The following SCHIP1 variants were observed in gnomAD, a reference collection of about 807,000 sequenced individuals.
The protein encoded by SCHIP1 is schwannomin interacting protein 1, also known as schwannomin-interacting protein 1.
Under a neutral mutation model 29.7 loss-of-function variants are expected in SCHIP1, and 8 were observed. That is an observed-to-expected ratio of 0.27 (90% CI 0.16 to 0.49). The LOEUF is 0.49. Ranked by LOEUF, SCHIP1 falls within the 20% of genes least tolerant of loss-of-function variation. The pLI is 0.99. For missense variants in SCHIP1, 193 were observed against 294.6 expected, an observed-to-expected ratio of 0.66 and a Z score of 2.52; for synonymous variants, 76 against 94.9, an observed-to-expected ratio of 0.80 and a Z score of 1.16.
the SCHIP1 span, among the ~76,000 whole-genome samples, chr3:159,641,806 A>G: frequency 6.6e-6 from 1 of 152,190 alleles, no homozygotes; most frequent in Non-Finnish European, 1.5e-5. Context: ...AAGAAATAAA[A>G]TATTGGTGCT....
the SCHIP1 span, among the ~76,000 whole-genome samples, chr3:159,327,225 C>G: frequency 6.6e-6 from 1 of 152,130 alleles, no homozygotes; most frequent in African/African-American, 2.4e-5. Context: ...ATTGCATTGC[C>G]AGATCATGGG....
chr3:159,361,927 T>G, the SCHIP1 span, among the ~76,000 whole-genome samples: 1 of 152,282 alleles, frequency 6.6e-6, no homozygotes, highest in South Asian at 2.1e-4. Context: ...TCAGGACATG[T>G]TGAATGTAAG....
the SCHIP1 span, among the ~76,000 whole-genome samples, chr3:159,774,261 G>T: frequency 6.6e-6 from 1 of 152,008 alleles, no homozygotes; most frequent in Non-Finnish European, 1.5e-5. Context: ...AGCTCTCCTT[G>T]TTTCTCAGAT....
rs1410404071 is a variant in SCHIP1, at chr3:159,888,958, T to C, written c.589+15T>C. 3.1e-6 allele frequency: 5 copies of C among 1,612,318 alleles called. No homozygotes were observed. The Admixed American group carries it at 5.0e-5, about 16-fold the overall frequency. ...CCAGATAGAAAGTAAGTGTAAGATATGCTTGAAAATAGGATATTCAATGTA... is the reference window on the plus strand; with the variant it reads ...CCAGATAGAAAGTAAGTGTAAGATACGCTTGAAAATAGGATATTCAATGTA... On this transcript the variant is annotated intron_variant, in intron 5 of 6. Transcript: ENST00000445224.
chr3:159,739,654 T>TA, the SCHIP1 span, among the ~76,000 whole-genome samples: 1,264 of 152,352 alleles, frequency 8.3e-3, 17 homozygotes, highest in African/African-American at 0.029. Flanking sequence ...TGCAAGTCCT[T>TA]ATCTTCTTGC....
At chr3:159,422,446 T>G in the SCHIP1 span, among the ~76,000 whole-genome samples, 1 of 152,340 alleles carries the variant, frequency 6.6e-6, no homozygotes, top group East Asian at 1.9e-4. Flanking sequence ...CAATTAATAC[T>G]ACTGTTTATT....
At chr3:159,782,047 A>C in the SCHIP1 span, among the ~76,000 whole-genome samples, 1 of 152,046 alleles carries the variant, frequency 6.6e-6, no homozygotes, top group African/African-American at 2.4e-5. Context: ...CCTTGCCACC[A>C]GGTGGCAACA....
At chr3:159,716,111 A>C in the SCHIP1 span, among the ~76,000 whole-genome samples, 1 of 152,238 alleles carries the variant, frequency 6.6e-6, no homozygotes, top group Non-Finnish European at 1.5e-5. Flanking sequence ...TTCTTAAAGA[A>C]AAGAATTTTC....
At chr3:159,408,115 G>A in the SCHIP1 span, among the ~76,000 whole-genome samples, 4 of 151,912 alleles carry the variant, frequency 2.6e-5, no homozygotes, top group Admixed American at 6.6e-5. Context: ...TGGCTAACAC[G>A]GTGAAACCAC....
At chr3:159,527,826 T>G in the SCHIP1 span, among the ~76,000 whole-genome samples, 3 of 152,218 alleles carry the variant, frequency 2.0e-5, no homozygotes, top group Non-Finnish European at 4.4e-5. Flanking sequence ...AAATCTTTCA[T>G]GCATGAAGCC....
At chr3:159,358,899 A>T in the SCHIP1 span, among the ~76,000 whole-genome samples, 1 of 150,056 alleles carries the variant, frequency 6.7e-6, no homozygotes, top group Non-Finnish European at 1.5e-5. Flanking sequence ...TGCACATGGA[A>T]TATCATACGG....
chr3:159,615,993 A>G, the SCHIP1 span, among the ~76,000 whole-genome samples: 2 of 152,132 alleles, frequency 1.3e-5, no homozygotes, highest in Non-Finnish European at 2.9e-5. Context: ...CAGAGAGTCT[A>G]TCTGAGGCCT....
chr3:159,529,091 C>T, the SCHIP1 span, among the ~76,000 whole-genome samples: 1 of 151,842 alleles, frequency 6.6e-6, no homozygotes, highest in African/African-American at 2.4e-5. Flanking sequence ...ATATAATAAC[C>T]ATATATATAT....
the SCHIP1 span, among the ~76,000 whole-genome samples, chr3:159,533,429 G>A: frequency 6.6e-6 from 1 of 152,082 alleles, no homozygotes; most frequent in Non-Finnish European, 1.5e-5. Context: ...GTTCCTAGAA[G>A]GTGTTGCCTC....
the SCHIP1 span, among the ~76,000 whole-genome samples, chr3:159,720,920 C>G: frequency 6.6e-6 from 1 of 152,232 alleles, no homozygotes; most frequent in Middle Eastern, 3.4e-3. Flanking sequence ...AGTAAACATT[C>G]TTTATCTTTC....
the SCHIP1 span, among the ~76,000 whole-genome samples, chr3:159,809,767 G>A: frequency 8.1e-4 from 123 of 152,196 alleles, no homozygotes; most frequent in East Asian, 9.3e-3. Context: ...TTGGGAAGCC[G>A]AGGCAGGTGG....
At chr3:159,800,460 A>G in the SCHIP1 span, among the ~76,000 whole-genome samples, 9 of 152,208 alleles carry the variant, frequency 5.9e-5, no homozygotes, top group Non-Finnish European at 7.4e-5. Context: ...AGACACTTAA[A>G]GGGGCAGAAT....
chr3:159,706,568 C>T, the SCHIP1 span, among the ~76,000 whole-genome samples: 1 of 152,204 alleles, frequency 6.6e-6, no homozygotes. Context: ...GAATACCAAA[C>T]ATGAGGGGCA....
chr3:159,688,483 G>C, the SCHIP1 span, among the ~76,000 whole-genome samples: 1 of 151,992 alleles, frequency 6.6e-6, no homozygotes. Flanking sequence ...GTTCCTTGTA[G>C]ATTCTGGATA....
Sources: gnomAD v4.1 joint callset for allele counts (sites outside exome capture counted in the v4.1 genomes callset) on GRCh38, gnomAD v4.1.1 for gene constraint, MANE v1.5 for transcripts, NCBI Gene and HGNC (gene_info 2026-07-23, HGNC 2026-07-21) for gene names.